MRPL37: variants seen among roughly 807,000 people sequenced by gnomAD.
MRPL37 encodes the protein mitochondrial ribosomal protein L37, also known as large ribosomal subunit protein mL37.
In MRPL37, 34 loss-of-function variants were observed where a neutral mutation model predicts 44.1. The observed-to-expected ratio is 0.77, with a 90% CI of 0.59 to 1.03. The LOEUF (loss-of-function observed/expected upper bound fraction) is 1.03, where lower values mean the gene tolerates loss of function less well. Ranked by LOEUF, MRPL37 falls within the 50% of genes least tolerant of loss-of-function variation. The pLI is 0.00. For synonymous variants in MRPL37, 212 were observed against 219.5 expected, an observed-to-expected ratio of 0.97 and a Z score of 0.30; for missense variants, 532 against 543.7, an observed-to-expected ratio of 0.98 and a Z score of 0.21.
rs1298257872 is a variant in MRPL37, at chr1:54,200,342, G to A, written c.99G>A (p.Trp33Ter). Residue 33 changes from tryptophan to a stop codon, truncating the protein, a stop_gained, in exon 1 of 7, where the codon TGG becomes TGA. Coordinates refer to ENST00000360840, the MANE Select transcript of MRPL37 (RefSeq NM_016491.4). LOFTEE classifies it high-confidence loss of function. The part of the protein sequence containing the change: ...FGAPRRGAYE[W>*]GVRSTRKSEP... Reference sequence around the variant, plus strand: ...CCCCGAGACGCGGGGCGTATGAGTGGGGCGTGCGCTCCACGCGGAAGTCGG... The same window carrying A: ...CCCCGAGACGCGGGGCGTATGAGTGAGGCGTGCGCTCCACGCGGAAGTCGG... 1 of 1,614,058 alleles carries A rather than the reference G, an allele frequency of 6.2e-7. No homozygotes were observed. Among genetic ancestry groups the A allele is most frequent in the Non-Finnish European group, 8.5e-7 (1 of 1,180,006 alleles).
chr1:54,200,847 T>C (rs971221848), intron 1 of MRPL37, among the ~76,000 whole-genome samples: 1 of 152,254 alleles, frequency 6.6e-6, no homozygotes, highest in African/African-American at 2.4e-5. Context: ...TGGCTCTCTC[T>C]CTTTGACTTT....
chr1:54,209,506 C>A (rs1644148668), intron 3 of MRPL37, among the ~76,000 whole-genome samples: 1 of 148,874 alleles, frequency 6.7e-6, no homozygotes, highest in South Asian at 2.1e-4. Flanking sequence ...GTCACCCAGG[C>A]TGGAGTGCAG....
At chr1:54,220,467 A>T (rs1012925815), downstream of MRPL37, 2 of 372,294 alleles carry the variant, frequency 5.4e-6, no homozygotes, top group Non-Finnish European at 5.5e-6. Flanking sequence ...GCTGCAAAGT[A>T]CAGCTGATCT....
At chr1:54,224,039 C>T (rs1003628505), downstream of MRPL37, among the ~76,000 whole-genome samples, 1 of 152,226 alleles carries the variant, frequency 6.6e-6, no homozygotes. Flanking sequence ...GGCTGGGCCC[C>T]GTGACCTGCC....
intron 3 of MRPL37, 76 bp downstream of exon 3, chr1:54,205,486 C>T (rs1644115192): frequency 4.1e-6 from 5 of 1,209,474 alleles, no homozygotes; most frequent in South Asian, 1.3e-5. Context: ...CACCAGCTCC[C>T]ATCCCCCTGC....
In MRPL37 at chr1:54,200,374, C is replaced by A; in HGVS notation, c.131C>A (p.Pro44His). 1 of 1,614,196 alleles carries A rather than the reference C, an allele frequency of 6.2e-7. No homozygotes were observed. The highest frequency in any genetic ancestry group is 1.6e-4 in the Middle Eastern group (1 of 6,062). Residue 44 changes from proline (P) to histidine (H), a missense_variant, in exon 1 of 7, where the codon CCT (proline) becomes CAT (histidine). Transcript: ENST00000360840. ...CGCTCCACGCGGAAGTCGGAGCCTCCTCCCCTGGATAGGGTGTACGAGATC... is the reference window on the plus strand; with the variant it reads ...CGCTCCACGCGGAAGTCGGAGCCTCATCCCCTGGATAGGGTGTACGAGATC... ...GVRSTRKSEP[P>H]PLDRVYEIPG...
At chr1:54,208,332 G>A (rs1283466775) in intron 3 of MRPL37, among the ~76,000 whole-genome samples, 1 of 152,050 alleles carries the variant, frequency 6.6e-6, no homozygotes, top group East Asian at 1.9e-4. Flanking sequence ...CATGAGGTCA[G>A]GAGATCAAGA....
chr1:54,201,557 T>C (rs921491820), intron 1 of MRPL37, among the ~76,000 whole-genome samples: 1 of 152,182 alleles, frequency 6.6e-6, no homozygotes, highest in African/African-American at 2.4e-5. Flanking sequence ...AGGCTGAAAA[T>C]GTATTGTGTA....
chr1:54,206,896 A>G (rs2100505037), intron 3 of MRPL37, among the ~76,000 whole-genome samples: 1 of 108,444 alleles, frequency 9.2e-6, no homozygotes, highest in South Asian at 3.0e-4. Flanking sequence ...CACCATGCCC[A>G]GCTAATTTTT....
Position 54,216,470 on chromosome 1 carries a change from G to C in MRPL37, c.1194+126G>C, listed in dbSNP as rs1006936346. 3 of 1,120,142 alleles carry C rather than the reference G, an allele frequency of 2.7e-6. No individual in the cohort carries two copies. In the African/African-American group the frequency reaches 4.7e-5, roughly 17 times the overall value. The allele number at this position is 1,120,142 out of a possible 1,614,324, so 69.4% of individuals were successfully genotyped here. Reference sequence around the variant, plus strand: ...CTGGCCCTGGGGACTTCCCACCCGGGATCTCTGCCTGGAGGACTCCTTCAG... The same window carrying C: ...CTGGCCCTGGGGACTTCCCACCCGGCATCTCTGCCTGGAGGACTCCTTCAG... On this transcript the variant is annotated intron_variant, in intron 6 of 6. Coordinates refer to ENST00000360840, the MANE Select transcript of MRPL37 (RefSeq NM_016491.4).
chr1:54,214,752 T>A (rs938794150), intron 5 of MRPL37, among the ~76,000 whole-genome samples: 3 of 152,204 alleles, frequency 2.0e-5, no homozygotes, highest in Non-Finnish European at 4.4e-5. Flanking sequence ...GGATGTGAAG[T>A]TGAGCAATTA....
downstream of MRPL37, among the ~76,000 whole-genome samples, chr1:54,223,993 G>C (rs1644255665): frequency 6.6e-6 from 1 of 152,212 alleles, no homozygotes; most frequent in Non-Finnish European, 1.5e-5. Flanking sequence ...GCCCCAGGCT[G>C]AGGGGTAGCA....
rs754010664 is a variant in MRPL37, at chr1:54,205,072, A to G, written c.401A>G (p.Glu134Gly). 7 of 1,614,050 alleles carry G rather than the reference A, an allele frequency of 4.3e-6. No individual in the cohort carries two copies. In the African/African-American group the frequency reaches 8.0e-5, roughly 18 times the overall value. The stretch of plus-strand genomic sequence containing the variant: ...ACCAAGTTAATAGAAGGCCTTCCCG[A>G]GAAAGTGCTTAGCCTTGTTGATGAT... ...TKTKLIEGLP[E>G]KVLSLVDDPR... The change falls in exon 2 of 7, where the codon GAG (glutamate) becomes GGG (glycine). Residue 134 changes from glutamate to glycine, a missense_variant. Coordinates refer to ENST00000360840, the MANE Select transcript of MRPL37 (RefSeq NM_016491.4).
At chr1:54,223,441 G>A (rs1418973091), downstream of MRPL37, among the ~76,000 whole-genome samples, 2 of 152,192 alleles carry the variant, frequency 1.3e-5, no homozygotes, top group Non-Finnish European at 2.9e-5. Context: ...CTGGGGCGGG[G>A]GATTCCTCAG....
Position 54,205,428 on chromosome 1 carries a change from C to G in MRPL37, c.646+18C>G. The G allele has an allele frequency of 6.3e-7, 1 of 1,596,762 alleles. No homozygotes were observed. Among genetic ancestry groups the G allele is most frequent in the Non-Finnish European group, 8.6e-7 (1 of 1,165,246 alleles). ...GAACCGAGGTTGGTCATCTTGTACA[C>G]CAGAAAGCCTTGGTCTGTTTTTTTT... On this transcript the variant is annotated intron_variant, in intron 3 of 6. Transcript: ENST00000360840.
At chr1:54,202,685 G>A (rs902151966) in intron 1 of MRPL37, among the ~76,000 whole-genome samples, 2 of 152,072 alleles carry the variant, frequency 1.3e-5, no homozygotes, top group Non-Finnish European at 2.9e-5. Flanking sequence ...TATTTCTTTT[G>A]TAGAGATGGG....
At chr1:54,203,904 A>T (rs1173023186) in intron 1 of MRPL37, among the ~76,000 whole-genome samples, 1 of 152,180 alleles carries the variant, frequency 6.6e-6, no homozygotes, top group Non-Finnish European at 1.5e-5. Context: ...TTTTATTGGA[A>T]CAAAACCATG....
At chr1:54,205,892 C>T (rs1644118198) in intron 3 of MRPL37, among the ~76,000 whole-genome samples, 1 of 152,070 alleles carries the variant, frequency 6.6e-6, no homozygotes, top group South Asian at 2.1e-4. Context: ...GTAGTGTAAA[C>T]CATTTATTGT....
chr1:54,200,399 C>T lies in MRPL37; in HGVS notation c.156C>T (p.Ile52=), dbSNP rs1437260458. 1.2e-6 allele frequency: 2 copies of T among 1,614,198 alleles called. No homozygotes were observed. Among genetic ancestry groups the T allele is most frequent in the South Asian group, 1.1e-5 (1 of 91,086 alleles). ...EPPPLDRVYE[I]PGLEPITFAG... ...CTCCCCTGGATAGGGTGTACGAGAT[C>T]CCTGGACTGGAGCCCATCACCTTTG... Residue 52 remains isoleucine, a synonymous_variant, in exon 1 of 7, where the codon ATC becomes ATT. Coordinates refer to ENST00000360840, the MANE Select transcript of MRPL37 (RefSeq NM_016491.4).
Sources: allele counts gnomAD v4.1 joint callset (sites outside exome capture counted in the v4.1 genomes callset), GRCh38; gene constraint gnomAD v4.1.1; transcripts MANE v1.5; gene names NCBI Gene and HGNC (gene_info 2026-07-23, HGNC 2026-07-21).